Variants in PHKB observed in about 807,000 individuals in gnomAD.
The protein encoded by PHKB is phosphorylase b kinase regulatory subunit beta.
In PHKB, 122 loss-of-function variants were observed where a neutral mutation model predicts 152.1. That is an observed-to-expected ratio of 0.80 (90% CI 0.69 to 0.93). The LOEUF (loss-of-function observed/expected upper bound fraction) is 0.93, where lower values mean the gene tolerates loss of function less well. Ranked by LOEUF, PHKB falls within the 40% of genes least tolerant of loss-of-function variation. The pLI is 0.00. For synonymous variants in PHKB, 436 were observed against 464.9 expected, an observed-to-expected ratio of 0.94 and a Z score of 0.80; for missense variants, 1,304 against 1,328.4, an observed-to-expected ratio of 0.98 and a Z score of 0.29.
chr16:47,613,886 T>C (rs1972471581), intron 14 of PHKB, among the ~76,000 whole-genome samples: 1 of 152,230 alleles, frequency 6.6e-6, no homozygotes, highest in Admixed American at 6.5e-5. Context: ...ATTGGCTTTT[T>C]TTCACTCAAC....
chr16:47,472,794 A>G (rs925538072), intron 1 of PHKB, among the ~76,000 whole-genome samples: 6 of 151,836 alleles, frequency 4.0e-5, no homozygotes, highest in Non-Finnish European at 8.8e-5. Flanking sequence ...AAAAAAAACA[A>G]AAATTAGCCA....
intron 26 of PHKB, among the ~76,000 whole-genome samples, chr16:47,671,669 C>T (rs532279628): frequency 5.3e-5 from 8 of 152,284 alleles, no homozygotes; most frequent in East Asian, 3.9e-4. Flanking sequence ...CTGCATACAT[C>T]GTAATTCATC....
At chr16:47,603,363 T>A (rs1972266696) in intron 13 of PHKB, among the ~76,000 whole-genome samples, 1 of 152,224 alleles carries the variant, frequency 6.6e-6, no homozygotes, top group Admixed American at 6.5e-5. Flanking sequence ...CTTTCTCATG[T>A]TACCCATGTG....
chr16:47,540,524 A>G (rs1567297956), intron 6 of PHKB, among the ~76,000 whole-genome samples: 1 of 152,076 alleles, frequency 6.6e-6, no homozygotes, highest in Non-Finnish European at 1.5e-5. Flanking sequence ...TTTGCAGCTC[A>G]AGTGGGCATC....
chr16:47,658,123 T>A (rs1370298477), intron 20 of PHKB, among the ~76,000 whole-genome samples: 2 of 152,186 alleles, frequency 1.3e-5, no homozygotes, highest in African/African-American at 4.8e-5. Flanking sequence ...TGGACCTGCA[T>A]CTCTGATTTC....
intron 6 of PHKB, among the ~76,000 whole-genome samples, chr16:47,516,464 G>T (rs966541530): frequency 6.6e-6 from 1 of 152,122 alleles, no homozygotes; most frequent in Non-Finnish European, 1.5e-5. Context: ...AAGCACATGC[G>T]CTGATGTACT....
chr16:47,661,582 C>A lies in PHKB; in HGVS notation c.2197-137C>A, dbSNP rs939883757. 2.7e-5 allele frequency: 19 copies of A among 698,552 alleles called. No homozygotes were observed. In the African/African-American group the frequency reaches 3.2e-4, roughly 12 times the overall value. The allele number at this position is 698,552 out of a possible 1,614,324, so 43.3% of individuals were successfully genotyped here. A position where few individuals can be genotyped will look rare whatever the true frequency, so the allele number is the denominator to read the frequency against. ...TGTCATCTTATGCTTGATATTATAT[C>A]AATGACATTTTATCTTCCCTCAGTT... On this transcript the variant is annotated intron_variant, in intron 22 of 30. Coordinates refer to ENST00000323584, the MANE Select transcript of PHKB (RefSeq NM_000293.3).
chr16:47,631,288 T>C (rs1972821802), intron 14 of PHKB, among the ~76,000 whole-genome samples: 1 of 152,194 alleles, frequency 6.6e-6, no homozygotes, highest in Non-Finnish European at 1.5e-5. Context: ...ACTGACTAGA[T>C]GTGTAACCTT....
intron 7 of PHKB, among the ~76,000 whole-genome samples, chr16:47,571,803 C>T (rs1310511085): frequency 6.6e-6 from 1 of 152,206 alleles, no homozygotes; most frequent in Non-Finnish European, 1.5e-5. Context: ...CCCAGTACTG[C>T]ACCTGTTCCT....
intron 7 of PHKB, among the ~76,000 whole-genome samples, chr16:47,553,602 A>T (rs1422179842): frequency 6.6e-6 from 1 of 152,046 alleles, no homozygotes; most frequent in Non-Finnish European, 1.5e-5. Context: ...GATCCTTTGG[A>T]GGAGAAGAGG....
At chr16:47,621,859 G>A (rs1346629859) in intron 14 of PHKB, among the ~76,000 whole-genome samples, 1 of 152,098 alleles carries the variant, frequency 6.6e-6, no homozygotes, top group East Asian at 1.9e-4. Context: ...ATTTATACCT[G>A]AGCCAATTAA....
chr16:47,684,324 C>G (rs1198891780), intron 26 of PHKB, among the ~76,000 whole-genome samples: 1 of 151,274 alleles, frequency 6.6e-6, no homozygotes, highest in Non-Finnish European at 1.5e-5. Flanking sequence ...GACCGTGTCT[C>G]AAAAAAAATA....
intron 16 of PHKB, among the ~76,000 whole-genome samples, chr16:47,642,545 A>G (rs1266124723): frequency 6.6e-6 from 1 of 152,232 alleles, no homozygotes; most frequent in Non-Finnish European, 1.5e-5. Flanking sequence ...AAGTCTTTGT[A>G]ACAGTGTATC....
chr16:47,555,523 AG>A (rs200610133), intron 7 of PHKB, among the ~76,000 whole-genome samples: 2,024 of 152,342 alleles, frequency 0.013, 58 homozygotes, highest in Admixed American at 0.065. Flanking sequence ...AGTGAATATT[AG>A]AATAAAGATG....
At chr16:47,551,873 C>G (rs1971276690) in intron 7 of PHKB, among the ~76,000 whole-genome samples, 1 of 152,106 alleles carries the variant, frequency 6.6e-6, no homozygotes, top group Non-Finnish European at 1.5e-5. Context: ...TCTCTAAGGG[C>G]TTGCTTTATG....
chr16:47,507,318 T>C (rs79882306), intron 4 of PHKB, among the ~76,000 whole-genome samples: 1 of 148,804 alleles, frequency 6.7e-6, no homozygotes, highest in Admixed American at 6.7e-5. Context: ...AGGATTATCA[T>C]TTTTTTTTTC....
Position 47,594,199 on chromosome 16 carries a change from C to T in PHKB, c.1189C>T (p.His397Tyr), listed in dbSNP as rs555742738. 1.9e-6 allele frequency: 3 copies of T among 1,548,896 alleles called. No individual in the cohort carries two copies. Among genetic ancestry groups the T allele is most frequent in the South Asian group, 1.1e-5 (1 of 89,698 alleles). The stretch of plus-strand genomic sequence containing the variant: ...TCAGGATCTTTTGACTCCAGTACTT[C>T]ATCATACCACAGAAGGTATAGTTGT... Reference protein sequence around the residue: ...EYQDLLTPVLHHTTEGYPVVP... With the variant: ...EYQDLLTPVLYHTTEGYPVVP... The change falls in exon 12 of 31, where the codon CAT (histidine) becomes TAT (tyrosine). Residue 397 changes from histidine (H) to tyrosine (Y), a missense_variant. His to Tyr is a moderately conservative substitution (Grantham distance 83, BLOSUM62 2). Coordinates refer to ENST00000323584, the MANE Select transcript of PHKB (RefSeq NM_000293.3).
chr16:47,468,768 C>T (rs528868301), intron 1 of PHKB, among the ~76,000 whole-genome samples: 3 of 152,344 alleles, frequency 2.0e-5, no homozygotes, highest in East Asian at 1.9e-4. Flanking sequence ...ACAGAATTCT[C>T]CTCTTCTTCT....
At chr16:47,696,339 G>A in intron 28 of PHKB, 42 bp from the exon 29 acceptor site, 1 of 929,482 alleles carries the variant, frequency 1.1e-6, no homozygotes, top group Non-Finnish European at 1.8e-6. Flanking sequence ...GAGAACCAGA[G>A]CATAACGGTT....
Sources: gnomAD v4.1 joint callset for allele counts (sites outside exome capture counted in the v4.1 genomes callset) on GRCh38, gnomAD v4.1.1 for gene constraint, MANE v1.5 for transcripts, NCBI Gene and HGNC (gene_info 2026-07-23, HGNC 2026-07-21) for gene names.